The following FAM178B variants were observed in gnomAD, a reference collection of about 807,000 sequenced individuals.
FAM178B encodes family with sequence similarity 178 member B, also known as protein FAM178B.
A neutral mutation model predicts 91.7 loss-of-function variants in FAM178B; 82 were observed. The ratio of observed to expected loss-of-function variants is 0.89; its 90% CI spans 0.75 to 1.07. The LOEUF is 1.07. Ranked by LOEUF, FAM178B falls within the 50% of genes least tolerant of loss-of-function variation. FAM178B has a pLI of 0.00. For missense variants in FAM178B, 769 were observed against 846.7 expected (o/e 0.91, Z 1.14); for synonymous variants, 368 against 359.4 (o/e 1.02, Z -0.27).
intron 1 of FAM178B, among the ~76,000 whole-genome samples, chr2:96,974,381 C>CAAAA (rs1171601429): frequency 1.2e-4 from 2 of 16,228 alleles, no homozygotes; most frequent in African/African-American, 5.7e-4. Context: ...GACTCCATCT[C>CAAAA]AAAAAAAAAA....
rs11888101 is a variant in FAM178B, at chr2:96,902,716, A to G, written c.1563-9T>C. ...GCTGGCTTCGAAGCCGCCTGGGGGA[A>G]AAGCGACAGCCTGAGAGAGGGTGTG... On this transcript the variant is annotated splice_polypyrimidine_tract_variant and intron_variant, in intron 12 of 16. Transcript: ENST00000490605. 241,831 of 1,546,092 alleles carry G rather than the reference A, an allele frequency of 0.16. 32,420 individuals are homozygous for G. Among genetic ancestry groups the G allele is most frequent in the African/African-American group, 0.72 (52,462 of 72,930 alleles).
At chr2:96,919,449 C>T (rs1359897775) in intron 12 of FAM178B, among the ~76,000 whole-genome samples, 1 of 152,140 alleles carries the variant, frequency 6.6e-6, no homozygotes. Flanking sequence ...TCCAGGTGAG[C>T]CGGTGAGATG....
chr2:96,971,877 G>A, intron 3 of FAM178B, 24 bp downstream of exon 3: 1 of 1,464,148 alleles, frequency 6.8e-7, no homozygotes, highest in Non-Finnish European at 9.0e-7. Context: ...AAGGAGAAGA[G>A]GCCAAGGGTG....
At chr2:96,878,925 AC>A (rs961029367) in intron 14 of FAM178B, among the ~76,000 whole-genome samples, 2 of 151,898 alleles carry the variant, frequency 1.3e-5, no homozygotes, top group Non-Finnish European at 2.9e-5. Flanking sequence ...CGCCTTGCTG[AC>A]CCGAGGAGGC....
At chr2:96,902,297 G>A (rs1490553000) in intron 13 of FAM178B, among the ~76,000 whole-genome samples, 1 of 151,634 alleles carries the variant, frequency 6.6e-6, no homozygotes, top group Non-Finnish European at 1.5e-5. Context: ...AGTGGAGACG[G>A]GTTTCACCGT....
At chr2:96,896,539 C>G (rs2080827646) in intron 13 of FAM178B, among the ~76,000 whole-genome samples, 1 of 152,150 alleles carries the variant, frequency 6.6e-6, no homozygotes, top group Non-Finnish European at 1.5e-5. Flanking sequence ...AGGGCAGACA[C>G]CTAGGGCGAG....
intron 14 of FAM178B, among the ~76,000 whole-genome samples, chr2:96,883,129 C>T (rs1047985333): frequency 6.6e-6 from 1 of 152,188 alleles, no homozygotes; most frequent in Non-Finnish European, 1.5e-5. Context: ...GGCTGAGTGA[C>T]AGCAGACAGC....
At chr2:96,911,301 GC>G (rs1310093523) in intron 12 of FAM178B, among the ~76,000 whole-genome samples, 2 of 152,220 alleles carry the variant, frequency 1.3e-5, no homozygotes, top group Non-Finnish European at 2.9e-5. Context: ...CTTGGCCGGA[GC>G]CTCGTCTTGA....
intron 8 of FAM178B, 82 bp from the exon 9 acceptor site, chr2:96,929,402 G>C: frequency 2.0e-6 from 2 of 1,011,146 alleles, no homozygotes; most frequent in East Asian, 2.6e-5. Context: ...GGCTGGCCGT[G>C]ACCCCTGGCC....
chr2:96,962,447 AAGAAAG>A (rs2082094210), intron 5 of FAM178B, among the ~76,000 whole-genome samples: 2 of 149,218 alleles, frequency 1.3e-5, no homozygotes, highest in Non-Finnish European at 3.0e-5. Flanking sequence ...AAAAAAAAGA[AAGAAAG>A]AAAGAAAGAA....
At chr2:96,962,327 G>A (rs1180874139) in intron 5 of FAM178B, among the ~76,000 whole-genome samples, 3 of 151,918 alleles carry the variant, frequency 2.0e-5, no homozygotes, top group Middle Eastern at 3.4e-3. Flanking sequence ...CAAAAGGGAG[G>A]CTGAGGCAGG....
chr2:96,905,764 T>G (rs1463115818), intron 12 of FAM178B, among the ~76,000 whole-genome samples: 1 of 133,576 alleles, frequency 7.5e-6, no homozygotes, highest in African/African-American at 2.8e-5. Context: ...TGGAGAAAAC[T>G]CGTCTCTACT....
chr2:96,918,976 A>C (rs2081287540), intron 12 of FAM178B, among the ~76,000 whole-genome samples: 1 of 152,142 alleles, frequency 6.6e-6, no homozygotes. Context: ...CGACCCTCTC[A>C]CGCGGGCTCT....
rs1574251117 is a variant in FAM178B at position 96,921,774 on chromosome 2, T to A, written c.1288-120A>T. ...GATGGTACTGTGAGCCCCGCGGCCATGTTGGGTAGGAGCTCAGGAAACAGT... is the reference window on the plus strand; with the variant it reads ...GATGGTACTGTGAGCCCCGCGGCCAAGTTGGGTAGGAGCTCAGGAAACAGT... On this transcript the variant is annotated intron_variant, in intron 10 of 16. Coordinates refer to ENST00000490605, the MANE Select transcript of FAM178B (RefSeq NM_001122646.3). 17 of 1,028,424 alleles carry A rather than the reference T, an allele frequency of 1.7e-5. No individual in the cohort carries two copies. The South Asian group carries it at 2.7e-4, about 16-fold the overall frequency. The allele number at this position is 1,028,424 out of a possible 1,614,324, so 63.7% of individuals were successfully genotyped here.
intron 5 of FAM178B, among the ~76,000 whole-genome samples, chr2:96,962,456 AG>A (rs1559099372): frequency 2.1e-3 from 318 of 151,486 alleles, no homozygotes; most frequent in African/African-American, 6.9e-3. Flanking sequence ...AAAGAAAGAA[AG>A]AAAGAAAAAA....
rs60965536 is a variant in FAM178B at position 96,967,911 on chromosome 2, C to CTTTTTTTTTTTTTTTTTTTTTTTTT, written c.627-309_627-285dup. Among the ~76,000 whole-genome samples the CTTTTTTTTTTTTTTTTTTTTTTTTT allele has an allele frequency of 4.0e-4, 25 of 62,444 alleles. 7 individuals are homozygous for CTTTTTTTTTTTTTTTTTTTTTTTTT. Among genetic ancestry groups the CTTTTTTTTTTTTTTTTTTTTTTTTT allele is most frequent in the Non-Finnish European group, 6.3e-4 (21 of 33,240 alleles). The allele number at this position is 62,444 out of a possible 152,430, so 41.0% of individuals were successfully genotyped here. On this transcript the variant is annotated intron_variant, in intron 4 of 16. Coordinates refer to ENST00000490605, the MANE Select transcript of FAM178B (RefSeq NM_001122646.3). ...TCTTTACTTGTGTACCCTGTTTGGT[C>CTTTTTTTTTTTTTTTTTTTTTTTTT]TTTTTTTTTTTTTTTTTTTTTTTTT...
At chr2:96,969,999 T>A (rs1236283827) in intron 4 of FAM178B, among the ~76,000 whole-genome samples, 1 of 152,120 alleles carries the variant, frequency 6.6e-6, no homozygotes, top group African/African-American at 2.4e-5. Flanking sequence ...ACAATGGACA[T>A]GCACTGAACA....
At chr2:96,905,664 C>T (rs1296297899) in intron 12 of FAM178B, among the ~76,000 whole-genome samples, 2 of 149,578 alleles carry the variant, frequency 1.3e-5, no homozygotes, top group African/African-American at 2.4e-5. Context: ...AAGTCGGGTG[C>T]GGTGGCTCAT....
At chr2:96,882,463 C>A (rs1008184417) in intron 14 of FAM178B, among the ~76,000 whole-genome samples, 1 of 152,216 alleles carries the variant, frequency 6.6e-6, no homozygotes, top group Admixed American at 6.5e-5. Flanking sequence ...CCCAGCAAGA[C>A]AAGAAGGGCC....
Sources: allele counts gnomAD v4.1 joint callset (sites outside exome capture counted in the v4.1 genomes callset), GRCh38; gene constraint gnomAD v4.1.1; transcripts MANE v1.5; gene names NCBI Gene and HGNC (gene_info 2026-07-23, HGNC 2026-07-21).